The following RREB1 variants were observed in gnomAD, a reference collection of about 807,000 sequenced individuals.
RREB1 encodes the protein ras responsive element binding protein 1, also known as ras-responsive element-binding protein 1.
Under a neutral mutation model 117.8 loss-of-function variants are expected in RREB1, and 27 were observed. The observed-to-expected ratio is 0.23, with a 90% confidence interval of 0.17 to 0.32. The LOEUF (loss-of-function observed/expected upper bound fraction) is 0.32, where lower values mean the gene tolerates loss of function less well. Among genes scored for constraint, RREB1 ranks in the 10% least tolerant of loss-of-function variants. RREB1 has a pLI of 1.00. For synonymous variants in RREB1, 1,298 were observed against 1,026.7 expected (o/e 1.26, Z -5.05); for missense variants, 2,577 against 2,378.2 (o/e 1.08, Z -1.74).
rs996585613 is a variant in RREB1, at chr6:7,230,293, A to G, written c.2194A>G (p.Lys732Glu). ...HLKATRKDIEKNIEYVSSSAA... is the reference protein window; with the variant it reads ...HLKATRKDIEENIEYVSSSAA... Reference sequence around the variant, plus strand: ...CAAGGCCACCCGCAAGGATATCGAGAAGAACATCGAGTATGTGAGTAGCAG... The same window carrying G: ...CAAGGCCACCCGCAAGGATATCGAGGAGAACATCGAGTATGTGAGTAGCAG... The change falls in exon 10 of 13, where the codon AAG becomes GAG. Residue 732 changes from lysine to glutamate, a missense_variant. Physicochemically the swap from Lys to Glu is moderately conservative, Grantham distance 56. Coordinates refer to ENST00000379938, the MANE Select transcript of RREB1 (RefSeq NM_001003699.4). 1.0e-5 allele frequency: 16 copies of G among 1,594,240 alleles called. No homozygotes were observed. Among genetic ancestry groups the G allele is most frequent in the Non-Finnish European group, 1.4e-5 (16 of 1,176,002 alleles).
intron 11 of RREB1, among the ~76,000 whole-genome samples, chr6:7,242,637 T>TG (rs1768772807): frequency 1.9e-5 from 2 of 108,080 alleles, no homozygotes; most frequent in Admixed American, 1.9e-4. Context: ...GCCTTCATTC[T>TG]GGGTTCCCCC....
chr6:7,245,657 G>C (rs1427684454), intron 11 of RREB1, among the ~76,000 whole-genome samples: 2 of 152,200 alleles, frequency 1.3e-5, no homozygotes, highest in Non-Finnish European at 2.9e-5. Context: ...TCAAGAGGCA[G>C]GAAGTCAGGG....
rs141400363 is a variant in RREB1, at chr6:7,126,547, G to T, written c.-285+18487G>T. Among the ~76,000 whole-genome samples, 406 of 152,344 alleles carry T rather than the reference G, an allele frequency of 2.7e-3. 2 individuals carry two copies. The highest frequency in any genetic ancestry group is 9.2e-3 in the African/African-American group (384 of 41,570). On this transcript the variant is annotated intron_variant, in intron 1 of 12. Transcript: ENST00000379938. The stretch of plus-strand genomic sequence containing the variant: ...GCCTCCCAAAGTGCTGGGATTACAG[G>T]CATGAGCCACTGTGCTGGCAGGACT...
chr6:7,221,293 C>T (rs1049042326), intron 8 of RREB1, among the ~76,000 whole-genome samples: 16 of 152,044 alleles, frequency 1.1e-4, no homozygotes, highest in Middle Eastern at 3.4e-3. Context: ...CTCAGCCTCC[C>T]GAGTAGCTGG....
At chr6:7,109,894 GT>G (rs1258110802) in intron 1 of RREB1, among the ~76,000 whole-genome samples, 2 of 152,134 alleles carry the variant, frequency 1.3e-5, no homozygotes, top group East Asian at 3.9e-4. Context: ...AAAATATAAC[GT>G]TTTGGTATGT....
At chr6:7,187,404 T>A in intron 4 of RREB1, 30 bp from the exon 5 acceptor site, 1 of 1,405,042 alleles carries the variant, frequency 7.1e-7, no homozygotes, top group Non-Finnish European at 1.0e-6. Flanking sequence ...TGAGTTGAAA[T>A]TTATCTTCCC....
Position 7,240,504 on chromosome 6 carries a change from A to C in RREB1, c.3875A>C (p.His1292Pro). The C allele has an allele frequency of 6.2e-7, 1 of 1,613,986 alleles. No homozygotes were observed. The highest frequency in any genetic ancestry group is 8.5e-7 in the Non-Finnish European group (1 of 1,179,926). ...FFSTKSNCER[H>P]QLRKHGVTTC... ...TCTACCAAATCTAACTGTGAACGCC[A>C]CCAGTTGCGCAAACACGGAGTTACC... Residue 1292 changes from histidine (H) to proline (P), a missense_variant, in exon 11 of 13, where the codon CAC (histidine) becomes CCC (proline). Physicochemically the swap from His to Pro is moderately conservative, Grantham distance 77. Transcript: ENST00000379938.
chr6:7,143,283 C>CT (rs1341982052), intron 1 of RREB1, among the ~76,000 whole-genome samples: 1 of 152,162 alleles, frequency 6.6e-6, no homozygotes, highest in Non-Finnish European at 1.5e-5. Flanking sequence ...AGTTGGAACT[C>CT]TGACAGTTTT....
chr6:7,173,237 C>T (rs1036329381), intron 1 of RREB1, among the ~76,000 whole-genome samples: 2 of 152,094 alleles, frequency 1.3e-5, no homozygotes, highest in Non-Finnish European at 2.9e-5. Context: ...TCCTGGGGGC[C>T]TTAGGACAGA....
intron 1 of RREB1, among the ~76,000 whole-genome samples, chr6:7,167,762 G>C (rs1764022166): frequency 6.6e-6 from 1 of 152,224 alleles, no homozygotes; most frequent in East Asian, 1.9e-4. Flanking sequence ...TGGAATGTTG[G>C]AGGATAAATA....
intron 6 of RREB1, among the ~76,000 whole-genome samples, chr6:7,199,446 G>A (rs1765826568): frequency 6.6e-6 from 1 of 152,146 alleles, no homozygotes. Context: ...TAGACTCCCA[G>A]CTTCTTAACA....
In RREB1 at chr6:7,229,844, C is replaced by A. The variant is rs773791350; in HGVS notation, c.1745C>A (p.Pro582Gln). 1 of 1,610,018 alleles carries A rather than the reference C, an allele frequency of 6.2e-7. No homozygotes were observed. The highest frequency in any genetic ancestry group is 8.5e-7 in the Non-Finnish European group (1 of 1,178,454). The change falls in exon 10 of 13, where the codon CCG (proline) becomes CAG (glutamine). Residue 582 changes from proline (P) to glutamine (Q), a missense_variant. Physicochemically the swap from Pro to Gln is moderately conservative, Grantham distance 76. Transcript: ENST00000379938. This position sits in a 1 kb window ranked among gnomAD's most constrained non-coding sequence, Gnocchi z 4.5. The stretch of plus-strand genomic sequence containing the variant: ...GCCACGCGGCTCTCCCTGCAGCAGC[C>A]GCGGGCGGAGCTGCCGGGCCAGCCT... ...HAATRLSLQQPRAELPGQPEM... is the reference protein window; with the variant it reads ...HAATRLSLQQQRAELPGQPEM...
rs1470098219 is a variant in RREB1 at position 7,231,516 on chromosome 6, C to T, written c.3417C>T (p.Ala1139=). The T allele has an allele frequency of 6.2e-7, 1 of 1,609,242 alleles. No individual in the cohort carries two copies. The highest frequency in any genetic ancestry group is 8.5e-7 in the Non-Finnish European group (1 of 1,177,772). The change falls in exon 10 of 13, where the codon GCC becomes GCT. Residue 1139 remains alanine (A), a synonymous_variant. Transcript: ENST00000379938. ...PPAPASSPEA[A]SPTEQGPAGT... ...CTCCAGCCAGCAGCCCAGAGGCTGC[C>T]TCTCCCACCGAGCAGGGCCCAGCGG...
chr6:7,118,934 C>T (rs2113304947), intron 1 of RREB1, among the ~76,000 whole-genome samples: 1 of 150,808 alleles, frequency 6.6e-6, no homozygotes, highest in African/African-American at 2.4e-5. Context: ...CAAGCGTGAG[C>T]CACTGCACCT....
At chr6:7,157,433 C>CA (rs57996771) in intron 1 of RREB1, among the ~76,000 whole-genome samples, 203 of 137,276 alleles carry the variant, frequency 1.5e-3, no homozygotes, top group Middle Eastern at 3.8e-3. Context: ...GACTCCATCT[C>CA]AAAAAAAAAA....
chr6:7,211,928 T>G (rs1038985909), intron 8 of RREB1: 3 of 558,330 alleles, frequency 5.4e-6, no homozygotes, highest in East Asian at 6.0e-5. Context: ...TCACTGTGCC[T>G]TCTTTCTCTC....
rs1581501736 is a variant in RREB1 at position 7,181,989 on chromosome 6, T to C, written c.78T>C (p.Ser26=). Residue 26 remains serine (S), a synonymous_variant, in exon 4 of 13, where the codon AGT becomes AGC. Transcript: ENST00000379938. The part of the protein sequence containing the change: ...SINTMMSAVM[S]VGKVTENGGS... The stretch of plus-strand genomic sequence containing the variant: ...ACACCATGATGTCGGCGGTCATGAG[T>C]GTAGGGAAGGTCACAGAGAATGGCG... 1.2e-6 allele frequency: 2 copies of C among 1,614,024 alleles called. No individual in the cohort carries two copies. Among genetic ancestry groups the C allele is most frequent in the East Asian group, 2.2e-5 (1 of 44,870 alleles).
intron 1 of RREB1, among the ~76,000 whole-genome samples, chr6:7,172,118 A>G (rs1045487856): frequency 6.6e-6 from 1 of 151,894 alleles, no homozygotes; most frequent in Non-Finnish European, 1.5e-5. Flanking sequence ...CCTAATATTT[A>G]AATTTCTTAT....
At chr6:7,238,054 C>T (rs2113154680) in intron 10 of RREB1, among the ~76,000 whole-genome samples, 1 of 152,288 alleles carries the variant, frequency 6.6e-6, no homozygotes, top group South Asian at 2.1e-4. Flanking sequence ...TCTTTGAAAT[C>T]AAGAATCCTA....
Sources: gnomAD v4.1 joint callset for allele counts (sites outside exome capture counted in the v4.1 genomes callset) on GRCh38, gnomAD v4.1.1 for gene constraint, Gnocchi (gnomAD v3.1) non-coding constraint, MANE v1.5 for transcripts, NCBI Gene and HGNC (gene_info 2026-07-23, HGNC 2026-07-21) for gene names.